IL17REL: variants seen among roughly 807,000 people sequenced by gnomAD.
IL17REL encodes interleukin 17 receptor E like.
Under a neutral mutation model 49.0 loss-of-function variants are expected in IL17REL, and 36 were observed. That is an observed-to-expected ratio of 0.73 (90% CI 0.56 to 0.97). The LOEUF is 0.97. Among genes scored for constraint, IL17REL ranks in the 50% least tolerant of loss-of-function variants. The probability of loss-of-function intolerance (pLI) is 0.00; values close to 1 mark genes in which losing one functional copy is unlikely to be tolerated. For missense variants in IL17REL, 470 were observed against 453.9 expected (o/e 1.04, Z -0.32); for synonymous variants, 206 against 192.4 (o/e 1.07, Z -0.58).
chr22:49,999,545 G>A (rs759275888), intron 5 of IL17REL, 43 bp from the exon 8 acceptor site: 3 of 1,507,026 alleles, frequency 2.0e-6, no homozygotes, highest in Non-Finnish European at 2.7e-6. Context: ...GCGGGAGGGC[G>A]GGGGTGGTCT....
chr22:50,006,186 C>A (rs141218020), intron 1 of IL17REL, among the ~76,000 whole-genome samples: 2 of 152,164 alleles, frequency 1.3e-5, no homozygotes, highest in African/African-American at 4.8e-5. Flanking sequence ...GACCAACCCT[C>A]TCCCCAAAGC....
chr22:49,998,761 A>G (rs1167560937), intron 7 of IL17REL, among the ~76,000 whole-genome samples: 1 of 146,476 alleles, frequency 6.8e-6, no homozygotes, highest in African/African-American at 2.6e-5. Context: ...GTGCGTGTGC[A>G]TGGGTGCGTG....
At position 50,002,495 on chromosome 22, in the gene IL17REL, C is replaced by CTTTTTT. The variant is rs398040533; in HGVS notation, c.-41-1270_-41-1265dup. Among the ~76,000 whole-genome samples the CTTTTTT allele has an allele frequency of 5.3e-4, 68 of 127,856 alleles. 2 individuals carry two copies. The highest frequency in any genetic ancestry group is 7.8e-4 in the Non-Finnish European group (48 of 61,806). 83.9% of individuals were successfully genotyped at this position (127,856 alleles called of 152,430 possible). ...GAAATCCAACTCTTTCTTTTCTTTTCTTTTTTTTTTTTTTTTTTTGAGACA... is the reference window on the plus strand; with the variant it reads ...GAAATCCAACTCTTTCTTTTCTTTTCTTTTTTTTTTTTTTTTTTTTTTTTTGAGACA... On this transcript the variant is annotated intron_variant, in intron 1 of 12. Transcript: ENST00000341280.
intron 9 of IL17REL, 50 bp downstream of exon 11, chr22:49,997,975 C>G: frequency 1.3e-6 from 2 of 1,591,620 alleles, no homozygotes; most frequent in Non-Finnish European, 1.7e-6. Context: ...CCCTGATGCC[C>G]CCTGGCCCCT....
Position 50,002,452 on chromosome 22 carries a change from C to T in IL17REL, c.-41-1221G>A, listed in dbSNP as rs73445991. On this transcript the variant is annotated intron_variant, in intron 1 of 12. Coordinates refer to ENST00000341280, the Ensembl canonical transcript of IL17REL. ...TCAAAGGGGCACTGGGAATGAAGTC[C>T]GAATATGCTATGGGTAAGAAATCCA... 3.3e-3 allele frequency among the ~76,000 whole-genome samples: 502 copies of T among 151,778 alleles called. 5 individuals carry two copies. Among genetic ancestry groups the T allele is most frequent in the African/African-American group, 0.011 (451 of 41,362 alleles).
intron 9 of IL17REL, 46 bp downstream of exon 11, chr22:49,997,978 TG>T: frequency 1.6e-6 from 2 of 1,240,782 alleles, no homozygotes; most frequent in South Asian, 2.4e-5. Flanking sequence ...TGATGCCCCC[TG>T]GCCCCTCCCC....
At chr22:49,997,869 C>T (rs1446788862) in intron 9 of IL17REL, 127 bp from the exon 12 acceptor site, 3 of 1,362,930 alleles carry the variant, frequency 2.2e-6, no homozygotes, top group Non-Finnish European at 3.1e-6. Context: ...CTCCTTAGGC[C>T]CTTAGCTCAC....
chr22:50,012,758 AC>A (rs2061149145), upstream of IL17REL: 1 of 152,148 alleles, frequency 6.6e-6, no homozygotes, highest in African/African-American at 2.4e-5. Context: ...AGCCCCAAAG[AC>A]AAACAGAGGG....
intron 11 of IL17REL, 61 bp from the exon 14 acceptor site, chr22:49,997,135 T>A: frequency 2.0e-6 from 3 of 1,489,306 alleles, no homozygotes; most frequent in Non-Finnish European, 2.7e-6. Flanking sequence ...CTAAACACTG[T>A]CCTTCTCCCA....
chr22:49,991,852 C>T (rs1351581498), downstream of IL17REL, among the ~76,000 whole-genome samples: 5 of 152,176 alleles, frequency 3.3e-5, no homozygotes, highest in East Asian at 3.8e-4. Context: ...GTTGAGGACA[C>T]GAGCCCATGA....
At chr22:50,012,579 G>C (rs1056252922), upstream of IL17REL, 1 of 152,340 alleles carries the variant, frequency 6.6e-6, no homozygotes, top group African/African-American at 2.4e-5. Flanking sequence ...TGTAATCCGG[G>C]GGATGGCCAG....
downstream of IL17REL, among the ~76,000 whole-genome samples, chr22:49,992,616 A>G (rs1381872032): frequency 6.6e-6 from 1 of 151,240 alleles, no homozygotes; most frequent in African/African-American, 2.4e-5. Flanking sequence ...TTTCATTTTA[A>G]TTTTTAGTTT....
Position 50,002,397 on chromosome 22 carries a change from T to C in IL17REL, c.-41-1166A>G, listed in dbSNP as rs1469364604. ...CAGCAAGAACCTAGACAACTGACGG[T>C]TGAGACCTTCCACCCAGTAACTCTG... On this transcript the variant is annotated intron_variant, in intron 1 of 12. Coordinates refer to ENST00000341280, the Ensembl canonical transcript of IL17REL. Among the ~76,000 whole-genome samples, 3 of 152,156 alleles carry C rather than the reference T, an allele frequency of 2.0e-5. No individual in the cohort carries two copies. The South Asian group carries it at 6.2e-4, about 31-fold the overall frequency.
chr22:50,003,121 C>T (rs114068801), intron 1 of IL17REL, among the ~76,000 whole-genome samples: 1,990 of 152,230 alleles, frequency 0.013, 37 homozygotes, highest in African/African-American at 0.045. Context: ...GAGAGGATAA[C>T]GCAGAGAGAG....
chr22:49,998,186 C>A (rs2061049041), exon 8 of IL17REL: 1 of 1,611,134 alleles, frequency 6.2e-7, no homozygotes, highest in Non-Finnish European at 8.5e-7. Flanking sequence ...GCAGCCGGCC[C>A]CCGGCCCCGG....
upstream of IL17REL, chr22:50,008,983 C>T (rs907737588): frequency 2.0e-5 from 3 of 152,236 alleles, no homozygotes; most frequent in African/African-American, 4.8e-5. Context: ...CCATCCCCAC[C>T]TCTCCAGGAG....
intron 5 of IL17REL, 42 bp from the exon 8 acceptor site, chr22:49,999,544 CG>C (rs1821160488): frequency 1.7e-6 from 1 of 605,722 alleles, no homozygotes. Flanking sequence ...CGCGGGAGGG[CG>C]GGGGTGGTCT....
rs2061043774 is a variant in IL17REL, at chr22:49,997,491, G to A, written c.878-75C>T. 4.7e-6 allele frequency: 7 copies of A among 1,485,042 alleles called. No individual in the cohort carries two copies. In the South Asian group the frequency reaches 5.8e-5, roughly 12 times the overall value. The allele number at this position is 1,485,042 out of a possible 1,614,324, so 92.0% of individuals were successfully genotyped here. A position where few individuals can be genotyped will look rare whatever the true frequency, so the allele number is the denominator to read the frequency against. Reference sequence around the variant, plus strand: ...GGATGGTCATTTTCCAGGCTGTGGGGAGTGAAGGGTGAGACCCCCATCCGG... The same window carrying A: ...GGATGGTCATTTTCCAGGCTGTGGGAAGTGAAGGGTGAGACCCCCATCCGG... On this transcript the variant is annotated intron_variant, in intron 10 of 12. Coordinates refer to ENST00000341280, the Ensembl canonical transcript of IL17REL.
At chr22:49,999,760 AC>A in intron 5 of IL17REL, 67 bp downstream of exon 7, 1 of 1,129,496 alleles carries the variant, frequency 8.9e-7, no homozygotes, top group Non-Finnish European at 1.1e-6. Context: ...CCTAAGGCTG[AC>A]CGGGGCCCGG....
Sources: allele counts gnomAD v4.1 joint callset (sites outside exome capture counted in the v4.1 genomes callset), GRCh38; gene constraint gnomAD v4.1.1; transcripts MANE v1.5; gene names NCBI Gene and HGNC (gene_info 2026-07-23, HGNC 2026-07-21).